RILPL1: variants seen among roughly 807,000 people sequenced by gnomAD.
RILPL1 encodes the protein RILP-like protein 1.
A neutral mutation model predicts 50.3 loss-of-function variants in RILPL1; 33 were observed. The observed-to-expected ratio is 0.66, with a 90% CI of 0.50 to 0.88. RILPL1 has a LOEUF of 0.88. Ranked by LOEUF, RILPL1 falls within the 40% of genes least tolerant of loss-of-function variation. RILPL1 has a pLI of 0.00. For synonymous variants in RILPL1, 205 were observed against 228.6 expected (o/e 0.90, Z 0.93); for missense variants, 418 against 542.5 (o/e 0.77, Z 2.28).
chr12:123,500,209 C>T lies in RILPL1; in HGVS notation c.461-673G>A, dbSNP rs934915613. The stretch of plus-strand genomic sequence containing the variant: ...CCTCCCAAAGTGCTGGGGTTACAGG[C>T]GTGAGCCACCGCGCCCGGCCTCATG... On this transcript the variant is annotated intron_variant, in intron 2 of 6. Transcript: ENST00000376874. Among the ~76,000 whole-genome samples the T allele has an allele frequency of 4.6e-5, 7 of 150,796 alleles. No homozygotes were observed. The South Asian group carries it at 6.3e-4, about 14-fold the overall frequency.
intron 2 of RILPL1, among the ~76,000 whole-genome samples, chr12:123,516,853 G>C (rs573718664): frequency 1.3e-5 from 2 of 152,244 alleles, no homozygotes; most frequent in Admixed American, 1.3e-4. Context: ...TTGAGCCCAG[G>C]AGCTTGAGAC....
chr12:123,475,690 C>T, intron 6 of RILPL1: 1 of 1,593,282 alleles, frequency 6.3e-7, no homozygotes, highest in African/African-American at 1.3e-5. Context: ...GGACAGGCTG[C>T]AGTGTGGGGT....
chr12:123,515,371 A>G (rs1884625287), intron 2 of RILPL1: 1 of 152,030 alleles, frequency 6.6e-6, no homozygotes, highest in African/African-American at 2.4e-5. Flanking sequence ...GGGGTGAAGC[A>G]AAGGGGAGTG....
At chr12:123,511,851 G>A (rs1346627431) in intron 2 of RILPL1, among the ~76,000 whole-genome samples, 1 of 131,926 alleles carries the variant, frequency 7.6e-6, no homozygotes, top group Non-Finnish European at 1.6e-5. Context: ...TGTGAGGTCT[G>A]TGTCTGTGTG....
At chr12:123,528,280 G>A (rs1885326867) in intron 1 of RILPL1, among the ~76,000 whole-genome samples, 2 of 150,766 alleles carry the variant, frequency 1.3e-5, no homozygotes, top group South Asian at 4.2e-4. Flanking sequence ...GATTGCTTGA[G>A]CCCAGGAGGC....
At chr12:123,483,874 A>C (rs1488380504) in intron 6 of RILPL1, among the ~76,000 whole-genome samples, 1 of 152,062 alleles carries the variant, frequency 6.6e-6, no homozygotes. Context: ...CCTGTCCTCA[A>C]AGGCCCAGAG....
chr12:123,483,297 C>T (rs1035122202), intron 6 of RILPL1, among the ~76,000 whole-genome samples: 1 of 152,164 alleles, frequency 6.6e-6, no homozygotes, highest in Admixed American at 6.5e-5. Context: ...GGGTTTGAGC[C>T]CTGGTTCTGC....
At chr12:123,523,696 C>A in intron 1 of RILPL1, 51 bp from the exon 2 acceptor site, 7 of 1,579,582 alleles carry the variant, frequency 4.4e-6, no homozygotes, top group Non-Finnish European at 6.0e-6. Flanking sequence ...AGAGCAGCCG[C>A]CCCACCCACT....
intron 1 of RILPL1, 135 bp from the exon 2 acceptor site, chr12:123,523,780 G>T: frequency 1.1e-6 from 1 of 944,418 alleles, no homozygotes; most frequent in Non-Finnish European, 1.6e-6. Context: ...GGCCGGCAAG[G>T]CCACCACGAG....
At chr12:123,476,711 C>G (rs1237157860) in intron 6 of RILPL1, among the ~76,000 whole-genome samples, 1 of 151,968 alleles carries the variant, frequency 6.6e-6, no homozygotes, top group East Asian at 1.9e-4. Flanking sequence ...AGGAGCTGAC[C>G]CTGCTGACGC....
chr12:123,511,264 G>C (rs1171301463), intron 2 of RILPL1, among the ~76,000 whole-genome samples: 1 of 148,440 alleles, frequency 6.7e-6, no homozygotes, highest in Non-Finnish European at 1.5e-5. Context: ...AGGTCTGTGT[G>C]TGTGTGGTGT....
chr12:123,478,679 G>C (rs1015163662), intron 6 of RILPL1, among the ~76,000 whole-genome samples: 1 of 152,262 alleles, frequency 6.6e-6, no homozygotes, highest in South Asian at 2.1e-4. Flanking sequence ...TCCAGTCCTC[G>C]AGGCCAGTTC....
At chr12:123,481,358 CAA>C (rs1250502610) in intron 6 of RILPL1, among the ~76,000 whole-genome samples, 28 of 106,970 alleles carry the variant, frequency 2.6e-4, no homozygotes, top group Admixed American at 3.9e-4. Context: ...GACTCCCTCT[CAA>C]AAAAAAAAAA....
At position 123,489,393 on chromosome 12, in the gene RILPL1, A is replaced by C. The variant is rs1882544773; in HGVS notation, c.802-3588T>G. Among the ~76,000 whole-genome samples, 1 of 152,050 alleles carries C rather than the reference A, an allele frequency of 6.6e-6. No individual in the cohort carries two copies. Among genetic ancestry groups the C allele is most frequent in the Non-Finnish European group, 1.5e-5 (1 of 68,010 alleles). On this transcript the variant is annotated intron_variant, in intron 4 of 6. Transcript: ENST00000376874. The surrounding 1 kb of genome is among the most constrained non-coding windows in gnomAD (Gnocchi z 4.0). ...AAAAATTAGCTGGGCGGCCAGGCAC[A>C]GTGGCTCACGCCTGTAATCTCAGCA...
chr12:123,475,822 GACAC>G, intron 6 of RILPL1: 25 of 891,704 alleles, frequency 2.8e-5, no homozygotes, highest in Non-Finnish European at 3.9e-5. Flanking sequence ...AAACTCCACA[GACAC>G]CAGTGGAAGG....
intron 1 of RILPL1, among the ~76,000 whole-genome samples, chr12:123,524,500 G>C (rs1315970652): frequency 6.6e-6 from 1 of 152,132 alleles, no homozygotes; most frequent in Non-Finnish European, 1.5e-5. Context: ...GTTCCTCGCA[G>C]CATTATTCCC....
intron 2 of RILPL1, chr12:123,513,372 C>T: frequency 2.5e-6 from 1 of 392,436 alleles, no homozygotes. Context: ...TTACTCCTTG[C>T]TGGGGCTGCC....
intron 4 of RILPL1, among the ~76,000 whole-genome samples, chr12:123,492,632 AATG>A (rs1220417848): frequency 1.3e-5 from 2 of 152,254 alleles, no homozygotes; most frequent in Non-Finnish European, 2.9e-5. Flanking sequence ...ACTGCATGGC[AATG>A]ATGAGATGTG....
intron 6 of RILPL1, among the ~76,000 whole-genome samples, chr12:123,483,932 AG>A (rs1292577019): frequency 3.9e-5 from 6 of 152,112 alleles, no homozygotes; most frequent in African/African-American, 1.4e-4. Context: ...CCTGAGTATC[AG>A]CCACTGGCCC....
Sources: allele counts gnomAD v4.1 joint callset (sites outside exome capture counted in the v4.1 genomes callset), GRCh38; gene constraint gnomAD v4.1.1; non-coding constraint Gnocchi (gnomAD v3.1); transcripts MANE v1.5; gene names NCBI Gene and HGNC (gene_info 2026-07-23, HGNC 2026-07-21).